The following NCOA6 variants were observed in gnomAD, a reference collection of about 807,000 sequenced individuals.
NCOA6 encodes the protein NRC RAP250.
NCOA6 carries 49 observed loss-of-function variants against 171.4 expected under a neutral mutation model. That is an observed-to-expected ratio of 0.29 (90% confidence interval 0.23 to 0.36). NCOA6 has a LOEUF of 0.36. Ranked by LOEUF, NCOA6 falls within the 10% of genes least tolerant of loss-of-function variation. NCOA6 has a pLI of 1.00. For missense variants in NCOA6, 2,248 were observed against 2,554.5 expected, an observed-to-expected ratio of 0.88 and a Z score of 2.59; for synonymous variants, 910 against 927.5, an observed-to-expected ratio of 0.98 and a Z score of 0.34.
At chr20:34,736,260 G>C (rs2075955437) in intron 12 of NCOA6, among the ~76,000 whole-genome samples, 1 of 152,172 alleles carries the variant, frequency 6.6e-6, no homozygotes, top group African/African-American at 2.4e-5. Flanking sequence ...CATTGTGGCA[G>C]AGACTCAATG....
chr20:34,773,317 T>G (rs1395770878), intron 4 of NCOA6, among the ~76,000 whole-genome samples: 2 of 152,156 alleles, frequency 1.3e-5, no homozygotes. Context: ...AAAAGATGTT[T>G]CCCCAATTCC....
intron 8 of NCOA6, among the ~76,000 whole-genome samples, chr20:34,753,359 T>A (rs2076549068): frequency 6.7e-6 from 1 of 150,130 alleles, no homozygotes; most frequent in Admixed American, 6.6e-5. Context: ...TTTTAAAACT[T>A]CCTATAAAAA....
chr20:34,786,936 C>G (rs2077701156), intron 2 of NCOA6, among the ~76,000 whole-genome samples: 1 of 151,962 alleles, frequency 6.6e-6, no homozygotes. Flanking sequence ...ATGATAAAAA[C>G]GCCAAAAGCA....
In NCOA6 at chr20:34,721,279, AC is replaced by A. The variant is rs201795416; in HGVS notation, c.6149-5915del. 1.1e-3 allele frequency among the ~76,000 whole-genome samples: 161 copies of A among 147,892 alleles called. 4 individuals are homozygous for A. In the East Asian group the frequency reaches 0.03, roughly 27 times the overall value. On this transcript the variant is annotated intron_variant, in intron 14 of 14. Transcript: ENST00000359003. ...AAAAAAAAAAAAAACAACCCGCAAA[AC>A]CCACAAAAGGACTGAATTCAGGGGC...
chr20:34,735,273 A>T (rs1179129009), intron 12 of NCOA6, among the ~76,000 whole-genome samples: 1 of 152,128 alleles, frequency 6.6e-6, no homozygotes, highest in Non-Finnish European at 1.5e-5. Context: ...TCCTTTAAAT[A>T]ACGTGCTCCA....
chr20:34,717,411 T>C (rs1988745112), intron 14 of NCOA6, among the ~76,000 whole-genome samples: 2 of 152,038 alleles, frequency 1.3e-5, no homozygotes, highest in Admixed American at 6.6e-5. Context: ...GATTGCGCCA[T>C]TGCACTCCAG....
In NCOA6 at chr20:34,804,777, T is replaced by C. The variant is rs895224952; in HGVS notation, c.-163-12214A>G. Among the ~76,000 whole-genome samples, 3 of 152,202 alleles carry C rather than the reference T, an allele frequency of 2.0e-5. No individual in the cohort carries two copies. In the East Asian group the frequency reaches 5.8e-4, roughly 29 times the overall value. On this transcript the variant is annotated intron_variant, in intron 1 of 14. Transcript: ENST00000359003. Reference sequence around the variant, plus strand: ...TATTTTGATACATGTATACAATGTGTAATAATCAAATCAGAGTAATTAATT... The same window carrying C: ...TATTTTGATACATGTATACAATGTGCAATAATCAAATCAGAGTAATTAATT...
chr20:34,787,039 C>T (rs762754501), intron 2 of NCOA6, among the ~76,000 whole-genome samples: 1 of 151,504 alleles, frequency 6.6e-6, no homozygotes, highest in Non-Finnish European at 1.5e-5. Context: ...AGACAACCTA[C>T]AGAATGGGAC....
chr20:34,784,998 T>C (rs887461646), intron 2 of NCOA6, among the ~76,000 whole-genome samples: 7 of 152,058 alleles, frequency 4.6e-5, no homozygotes, highest in African/African-American at 1.4e-4. Flanking sequence ...GGAGAATCAC[T>C]TGAACCCTGG....
intron 1 of NCOA6, among the ~76,000 whole-genome samples, chr20:34,806,522 G>A (rs2146544091): frequency 6.6e-6 from 1 of 152,204 alleles, no homozygotes; most frequent in Admixed American, 6.5e-5. Flanking sequence ...TTCTTTTAGT[G>A]GTTTCATAGT....
intron 2 of NCOA6, among the ~76,000 whole-genome samples, chr20:34,791,529 A>G (rs1359195506): frequency 6.6e-6 from 1 of 152,118 alleles, no homozygotes; most frequent in African/African-American, 2.4e-5. Flanking sequence ...TGCACTGCTC[A>G]CCCTGGCAGA....
Position 34,743,105 on chromosome 20 carries a change from A to T in NCOA6, c.3151T>A (p.Ser1051Thr). 1 of 1,613,348 alleles carries T rather than the reference A, an allele frequency of 6.2e-7. No individual in the cohort carries two copies. The change falls in exon 11 of 15, where the codon TCT (serine) becomes ACT (threonine). Residue 1051 changes from serine (S) to threonine (T), a missense_variant. Coordinates refer to ENST00000359003, the MANE Select transcript of NCOA6 (RefSeq NM_014071.5). Reference sequence around the variant, plus strand: ...CCCCTTGGAGGATGGACATTTTGAGAGACTGGAAGCCTAACTGATTTGGGA... The same window carrying T: ...CCCCTTGGAGGATGGACATTTTGAGTGACTGGAAGCCTAACTGATTTGGGA... ...QDPKSVRLPV[S>T]QNVHPPRGPL... is the part of the protein sequence containing the mutation.
chr20:34,768,081 T>C (rs1317044839), intron 5 of NCOA6, among the ~76,000 whole-genome samples: 1 of 152,196 alleles, frequency 6.6e-6, no homozygotes, highest in East Asian at 1.9e-4. Flanking sequence ...AAGAACTCAA[T>C]TCACAGATAT....
chr20:34,768,384 T>C (rs2077042807), intron 5 of NCOA6, 80 bp downstream of exon 5: 2 of 1,548,042 alleles, frequency 1.3e-6, no homozygotes, highest in African/African-American at 2.7e-5. Context: ...AACCCCCACC[T>C]ATCTTGCAGG....
chr20:34,821,654 C>A (rs561338822), intron 1 of NCOA6: 25 of 149,442 alleles, frequency 1.7e-4, no homozygotes, highest in African/African-American at 6.2e-4. Flanking sequence ...GTGGTGCGAT[C>A]TCGGCTCACT....
At chr20:34,738,860 C>A in intron 11 of NCOA6, 1 of 455,970 alleles carries the variant, frequency 2.2e-6, no homozygotes, top group Non-Finnish European at 4.4e-6. Flanking sequence ...TGATCTTACC[C>A]TGAAGTTTGT....
chr20:34,768,416 A>G (rs779798528), intron 5 of NCOA6, 48 bp downstream of exon 5: 1 of 1,605,502 alleles, frequency 6.2e-7, no homozygotes, highest in South Asian at 1.1e-5. Context: ...CAAATAAGCC[A>G]AAAAAGGAAA....
rs1410490171 is a variant in NCOA6 at position 34,786,075 on chromosome 20, G to A, written c.-49-3671C>T. Among the ~76,000 whole-genome samples, 4 of 152,152 alleles carry A rather than the reference G, an allele frequency of 2.6e-5. No homozygotes were observed. The East Asian group carries it at 7.7e-4, about 29-fold the overall frequency. On this transcript the variant is annotated intron_variant, in intron 2 of 14. Coordinates refer to ENST00000359003, the MANE Select transcript of NCOA6 (RefSeq NM_014071.5). ...TTCAGTCTTCCTGGTTCAGCTGAGAGTGTATGTGTCCAGGAATTTATCCAT... is the reference window on the plus strand; with the variant it reads ...TTCAGTCTTCCTGGTTCAGCTGAGAATGTATGTGTCCAGGAATTTATCCAT...
chr20:34,810,274 A>G (rs967452422), intron 1 of NCOA6, among the ~76,000 whole-genome samples: 2 of 152,256 alleles, frequency 1.3e-5, no homozygotes, highest in African/African-American at 4.8e-5. Flanking sequence ...GGTCACAGAT[A>G]TAGTTAGCTA....
Sources: allele counts gnomAD v4.1 joint callset (sites outside exome capture counted in the v4.1 genomes callset), GRCh38; gene constraint gnomAD v4.1.1; transcripts MANE v1.5; gene names NCBI Gene and HGNC (gene_info 2026-07-23, HGNC 2026-07-21).